Variants in PHLDB1 observed in about 807,000 individuals in gnomAD.
PHLDB1 encodes the protein pleckstrin homology like domain family B member 1, also known as pleckstrin homology-like domain family B member 1.
A neutral mutation model predicts 139.3 loss-of-function variants in PHLDB1; 65 were observed. That is an observed-to-expected ratio of 0.47 (90% confidence interval 0.38 to 0.57). PHLDB1 has a LOEUF of 0.57. Ranked by LOEUF, PHLDB1 falls within the 20% of genes least tolerant of loss-of-function variation. PHLDB1 has a pLI of 0.00. For synonymous variants in PHLDB1, 679 were observed against 734.5 expected (o/e 0.92, Z 1.22); for missense variants, 1,624 against 1,839.7 (o/e 0.88, Z 2.14).
At chr11:118,647,485 AGG>A in intron 17 of PHLDB1, 1 of 154,518 alleles carries the variant, frequency 6.5e-6, no homozygotes, top group Non-Finnish European at 1.4e-5. Context: ...AGGCCGAGGC[AGG>A]CGGATCGCCT....
rs1025580355 is a variant in PHLDB1 at position 118,611,025 on chromosome 11, G to A, written c.-21-2791G>A. Among the ~76,000 whole-genome samples the A allele has an allele frequency of 6.6e-6, 1 of 152,212 alleles. No homozygotes were observed. Among genetic ancestry groups the A allele is most frequent in the Non-Finnish European group, 1.5e-5 (1 of 68,028 alleles). On this transcript the variant is annotated intron_variant, in intron 1 of 22. Transcript: ENST00000600882. The surrounding 1 kb of genome is among the most constrained non-coding windows in gnomAD (Gnocchi z 4.7). ...TTTTTGGCCGCGGGGCCGGGCGGGC[G>A]GGTAATGACAGCCGGGTTGCTGGGG...
chr11:118,645,864 G>A lies in PHLDB1; in HGVS notation c.3507+39G>A. ...GGATCGGGGAGGCAGAAGGTGTTGGGGCACAGAGCTACCTACTGCATGTCA... is the reference window on the plus strand; with the variant it reads ...GGATCGGGGAGGCAGAAGGTGTTGGAGCACAGAGCTACCTACTGCATGTCA... On this transcript the variant is annotated intron_variant, in intron 17 of 22. Coordinates refer to ENST00000600882, the MANE Select transcript of PHLDB1 (RefSeq NM_001144758.3). The surrounding 1 kb of genome is among the most constrained non-coding windows in gnomAD (Gnocchi z 5.1). 1.5e-6 allele frequency: 2 copies of A among 1,303,028 alleles called. No homozygotes were observed. Among genetic ancestry groups the A allele is most frequent in the Non-Finnish European group, 2.2e-6 (2 of 896,992 alleles). The allele number at this position is 1,303,028 out of a possible 1,614,324, so 80.7% of individuals were successfully genotyped here. A position where few individuals can be genotyped will look rare whatever the true frequency, so the allele number is the denominator to read the frequency against.
At chr11:118,619,150 G>A (rs958275671) in intron 4 of PHLDB1, among the ~76,000 whole-genome samples, 3 of 152,140 alleles carry the variant, frequency 2.0e-5, no homozygotes, top group African/African-American at 4.8e-5. Context: ...GGACCACAGC[G>A]CCAGACCACA....
chr11:118,610,374 C>G lies in PHLDB1; in HGVS notation c.-22+2675C>G, dbSNP rs1939918339. Reference sequence around the variant, plus strand: ...CGCCTCAGTTTCCTTCCCTTCCTGACTCCTTCCTCTGACGGCGGCCCTTTC... The same window carrying G: ...CGCCTCAGTTTCCTTCCCTTCCTGAGTCCTTCCTCTGACGGCGGCCCTTTC... On this transcript the variant is annotated intron_variant, in intron 1 of 22. Transcript: ENST00000600882. The surrounding 1 kb of genome is among the most constrained non-coding windows in gnomAD (Gnocchi z 8.7). 1.2e-6 allele frequency: 1 copy of G among 831,918 alleles called. No homozygotes were observed. The highest frequency in any genetic ancestry group is 1.8e-5 in the African/African-American group (1 of 54,432). The allele number at this position is 831,918 out of a possible 1,614,324, so 51.5% of individuals were successfully genotyped here.
At chr11:118,631,851 T>A in intron 7 of PHLDB1, 62 bp from the exon 8 acceptor site, 1 of 1,522,714 alleles carries the variant, frequency 6.6e-7, no homozygotes, top group East Asian at 2.3e-5. Context: ...GGTGATCCAT[T>A]TTCTTAGTCT....
At chr11:118,639,105 C>A in intron 11 of PHLDB1, 57 bp from the exon 12 acceptor site, 1 of 1,569,910 alleles carries the variant, frequency 6.4e-7, no homozygotes, top group Non-Finnish European at 8.8e-7. Flanking sequence ...ACAGGGCCCC[C>A]CTCACACAGT....
Position 118,610,322 on chromosome 11 carries a change from C to T in PHLDB1, c.-22+2623C>T. On this transcript the variant is annotated intron_variant, in intron 1 of 22. Coordinates refer to ENST00000600882, the MANE Select transcript of PHLDB1 (RefSeq NM_001144758.3). This position sits in a 1 kb window ranked among gnomAD's most constrained non-coding sequence, Gnocchi z 8.7. ...CCTTAAGTTCTCTCGTCCCCCTCCC[C>T]ACTCGGGCGTCCCCCGCTGGGCTCC... The T allele has an allele frequency of 3.3e-6, 1 of 299,860 alleles. No individual in the cohort carries two copies. The highest frequency in any genetic ancestry group is 4.9e-6 in the Non-Finnish European group (1 of 202,978). 18.6% of individuals were successfully genotyped at this position (299,860 alleles called of 1,614,324 possible). A position where few individuals can be genotyped will look rare whatever the true frequency, so the allele number is the denominator to read the frequency against.
At chr11:118,644,953 C>T (rs1303320802) in intron 15 of PHLDB1, 1 of 270,296 alleles carries the variant, frequency 3.7e-6, no homozygotes, top group Non-Finnish European at 7.1e-6. Flanking sequence ...AGTCTGGGTG[C>T]TCATGGGGTT....
chr11:118,632,089 G>A lies in PHLDB1; in HGVS notation c.2241+36G>A. 1.9e-6 allele frequency: 3 copies of A among 1,613,648 alleles called. No homozygotes were observed. Among genetic ancestry groups the A allele is most frequent in the Non-Finnish European group, 2.5e-6 (3 of 1,179,684 alleles). The stretch of plus-strand genomic sequence containing the variant: ...AAGTCCCTAGCTGGACTCTTCCCTA[G>A]GCCAACTGAAGGCCCCAGAGAGGGG... On this transcript the variant is annotated intron_variant, in intron 8 of 22. Coordinates refer to ENST00000600882, the MANE Select transcript of PHLDB1 (RefSeq NM_001144758.3). This position sits in a 1 kb window ranked among gnomAD's most constrained non-coding sequence, Gnocchi z 5.9.
At position 118,608,990 on chromosome 11, in the gene PHLDB1, C is replaced by G. The variant is rs575204683; in HGVS notation, c.-22+1291C>G. ...ATGAGGCCCCAGCTCACACACGAAG[C>G]CCAGCTCACACACGCAGCCCCAGCT... On this transcript the variant is annotated intron_variant, in intron 1 of 22. Transcript: ENST00000600882. The surrounding 1 kb of genome is among the most constrained non-coding windows in gnomAD (Gnocchi z 6.7). 6.6e-6 allele frequency among the ~76,000 whole-genome samples: 1 copy of G among 150,812 alleles called. No individual in the cohort carries two copies. The highest frequency in any genetic ancestry group is 6.6e-5 in the Admixed American group (1 of 15,194).
At chr11:118,629,946 C>A in intron 6 of PHLDB1, 9 of 1,233,190 alleles carry the variant, frequency 7.3e-6, no homozygotes, top group Non-Finnish European at 9.5e-6. Context: ...GCCCCTCCCA[C>A]CTCAACCAGG....
chr11:118,624,553 G>T, intron 4 of PHLDB1: 1 of 246,852 alleles, frequency 4.1e-6, no homozygotes, highest in Non-Finnish European at 7.8e-6. Flanking sequence ...CTTCAGTCCT[G>T]CCTGCCCTTC....
intron 3 of PHLDB1, 185 bp downstream of exon 3, chr11:118,614,867 C>G (rs1218046412): frequency 1.7e-5 from 10 of 585,612 alleles, no homozygotes; most frequent in Non-Finnish European, 2.7e-5. Context: ...GGTAGATGAT[C>G]TGGTTCCACG....
rs1948197731 is a variant in PHLDB1, at chr11:118,650,561, A to G, written c.3874+14A>G. 1.3e-6 allele frequency: 2 copies of G among 1,568,562 alleles called. No homozygotes were observed. The highest frequency in any genetic ancestry group is 1.8e-6 in the Non-Finnish European group (2 of 1,138,468). On this transcript the variant is annotated intron_variant, in intron 20 of 22. Coordinates refer to ENST00000600882, the MANE Select transcript of PHLDB1 (RefSeq NM_001144758.3). This position sits in a 1 kb window ranked among gnomAD's most constrained non-coding sequence, Gnocchi z 4.7. ...CCTATTATGTGGGTGAGTTCCCACAAGGCCACCCTGGGGGCCAGCCAGGAT... is the reference window on the plus strand; with the variant it reads ...CCTATTATGTGGGTGAGTTCCCACAGGGCCACCCTGGGGGCCAGCCAGGAT...
Position 118,635,566 on chromosome 11 carries a change from C to A in PHLDB1, c.2535+18C>A, listed in dbSNP as rs561958095. 7.3e-5 allele frequency: 109 copies of A among 1,501,930 alleles called. 1 individual carries two copies. In the South Asian group the frequency reaches 1.4e-3, roughly 19 times the overall value. 93.0% of individuals were successfully genotyped at this position (1,501,930 alleles called of 1,614,324 possible). A position where few individuals can be genotyped will look rare whatever the true frequency, so the allele number is the denominator to read the frequency against. On this transcript the variant is annotated intron_variant, in intron 10 of 22. Coordinates refer to ENST00000600882, the MANE Select transcript of PHLDB1 (RefSeq NM_001144758.3). ...AGAGGAAGGTGTGCCCCACCTCGTT[C>A]CCTGCTGCGTGCTGTTGGAGGCCAG...
At position 118,657,823 on chromosome 11, in the gene PHLDB1, T is replaced by A. The variant is rs1949204828; in HGVS notation, c.*1000T>A. ...GAAGGGCCCTGTGGTGCCGCCGCCC[T>A]TCCTTCAGCCTCCGAAGGGTGATGG... On this transcript the variant is annotated 3_prime_UTR_variant, in exon 23 of 23. Coordinates refer to ENST00000600882, the MANE Select transcript of PHLDB1 (RefSeq NM_001144758.3). 1 of 162,126 alleles carries A rather than the reference T, an allele frequency of 6.2e-6. No homozygotes were observed. Among genetic ancestry groups the A allele is most frequent in the Non-Finnish European group, 1.4e-5 (1 of 73,814 alleles). 10.0% of individuals were successfully genotyped at this position (162,126 alleles called of 1,614,324 possible).
intron 12 of PHLDB1, 141 bp from the exon 13 acceptor site, chr11:118,642,113 T>G (rs1555121492): frequency 1.2e-6 from 1 of 803,408 alleles, no homozygotes; most frequent in African/African-American, 1.7e-5. Context: ...GATGTGGCCT[T>G]CCTTTTTAAC....
At chr11:118,634,409 A>C (rs1945272529) in intron 9 of PHLDB1, 1 of 152,228 alleles carries the variant, frequency 6.6e-6, no homozygotes. Flanking sequence ...CCTCACCATC[A>C]CTACCCTTTT....
chr11:118,642,147 T>C (rs1946650056), intron 12 of PHLDB1, 107 bp from the exon 13 acceptor site: 5 of 1,071,170 alleles, frequency 4.7e-6, no homozygotes, highest in Non-Finnish European at 7.1e-6. Context: ...CTTCCTCTTC[T>C]TTCTTCTTTC....
Sources: allele counts gnomAD v4.1 joint callset (sites outside exome capture counted in the v4.1 genomes callset), GRCh38; gene constraint gnomAD v4.1.1; non-coding constraint Gnocchi (gnomAD v3.1); transcripts MANE v1.5; gene names NCBI Gene and HGNC (gene_info 2026-07-23, HGNC 2026-07-21).